Variants in CCNT2 observed in about 807,000 individuals in gnomAD.
CCNT2 encodes the protein cyclin T2.
CCNT2 carries 18 observed loss-of-function variants against 70.0 expected under a neutral mutation model. The observed-to-expected ratio is 0.26, with a 90% CI of 0.18 to 0.38. CCNT2 has a LOEUF of 0.38. CCNT2 is among the 10% of genes least tolerant of loss of function. The pLI is 1.00. For synonymous variants in CCNT2, 334 were observed against 313.3 expected (o/e 1.07, Z -0.70); for missense variants, 734 against 890.2 (o/e 0.82, Z 2.23).
At chr2:134,919,093 C>T in intron 1 of CCNT2, 81 bp downstream of exon 1, 1 of 1,469,344 alleles carries the variant, frequency 6.8e-7, no homozygotes, top group Non-Finnish European at 9.1e-7. Flanking sequence ...AACATGGCGC[C>T]GCCGGCCTCG....
intron 2 of CCNT2, chr2:134,920,135 C>A: frequency 8.2e-6 from 3 of 364,532 alleles, no homozygotes; most frequent in East Asian, 6.1e-5. Flanking sequence ...ACATTTATTT[C>A]TTTACAGAGT....
intron 4 of CCNT2, among the ~76,000 whole-genome samples, chr2:134,939,841 T>A (rs1681438860): frequency 1.3e-5 from 2 of 152,220 alleles, no homozygotes. Flanking sequence ...TATCTTTGTA[T>A]GCAAGTTCAT....
At chr2:134,928,390 T>C (rs910124229) in intron 2 of CCNT2, among the ~76,000 whole-genome samples, 4 of 151,218 alleles carry the variant, frequency 2.6e-5, no homozygotes, top group Admixed American at 1.3e-4. Flanking sequence ...GCAATTCTCT[T>C]GCCTCAGCCT....
Position 134,958,685 on chromosome 2 carries a change from G to A in CCNT2, c.*4037G>A, listed in dbSNP as rs116241689. ...AAAGGTTGCTTTTGTTAGTTTCCCTGGAGCATCTATTTTTGTAATACATTT... is the reference window on the plus strand; with the variant it reads ...AAAGGTTGCTTTTGTTAGTTTCCCTAGAGCATCTATTTTTGTAATACATTT... On this transcript the variant is annotated 3_prime_UTR_variant, in exon 9 of 9. Transcript: ENST00000264157. The A allele has an allele frequency of 2.4e-3, 366 of 152,254 alleles. 1 individual carries two copies. Among genetic ancestry groups the A allele is most frequent in the African/African-American group, 8.3e-3 (345 of 41,540 alleles). The allele number at this position is 152,254 out of a possible 1,614,324, so 9.4% of individuals were successfully genotyped here. A position where few individuals can be genotyped will look rare whatever the true frequency, so the allele number is the denominator to read the frequency against.
At position 134,948,152 on chromosome 2, in the gene CCNT2, CA is replaced by C. The variant is rs202232394; in HGVS notation, c.703+262del. 1.2e-3 allele frequency among the ~76,000 whole-genome samples: 179 copies of C among 150,786 alleles called. 5 individuals carry two copies. The Middle Eastern group carries it at 0.041, about 35-fold the overall frequency. On this transcript the variant is annotated intron_variant, in intron 7 of 8. Coordinates refer to ENST00000264157, the MANE Select transcript of CCNT2 (RefSeq NM_058241.3). ...CTGGGCAACATAGACCCTGTCTCTA[CA>C]AAAAAAAAGTTAAAAATTGACTGGG...
intron 2 of CCNT2, among the ~76,000 whole-genome samples, chr2:134,928,933 C>G (rs536107928): frequency 6.6e-6 from 1 of 152,224 alleles, no homozygotes; most frequent in South Asian, 2.1e-4. Context: ...GTAGATATTT[C>G]AGTTACTTTG....
chr2:134,952,590 T>C (rs1377258892), intron 7 of CCNT2, 51 bp from the exon 8 acceptor site: 8 of 1,160,368 alleles, frequency 6.9e-6, no homozygotes, highest in Middle Eastern at 2.2e-4. Flanking sequence ...TTAAGAGAAA[T>C]TTAAATCCTA....
In CCNT2 at chr2:134,954,392, G is replaced by A; in HGVS notation, c.1937G>A (p.Ser646Asn). ...KSSKSSGSSS[S>N]SSSSVKQYIS... The stretch of plus-strand genomic sequence containing the variant: ...TCCAAAAGTTCAGGTAGTTCATCTA[G>A]TTCTTCCTCCTCTGTTAAGCAGTAT... The change falls in exon 9 of 9, where the codon AGT (serine) becomes AAT (asparagine). Residue 646 changes from serine to asparagine, a missense_variant. Transcript: ENST00000264157. 3 of 1,614,126 alleles carry A rather than the reference G, an allele frequency of 1.9e-6. No homozygotes were observed. Among genetic ancestry groups the A allele is most frequent in the Non-Finnish European group, 2.5e-6 (3 of 1,179,988 alleles).
At chr2:134,919,957 GT>G in intron 2 of CCNT2, 66 bp downstream of exon 2, 1 of 1,065,564 alleles carries the variant, frequency 9.4e-7, no homozygotes, top group South Asian at 1.3e-5. Context: ...CAGAAAAAAA[GT>G]TGGTCATTGC....
chr2:134,953,880 C>T lies in CCNT2; in HGVS notation c.1425C>T (p.Ser475=), dbSNP rs1682724809. ...HKQGQSQAAS[S]SSVTSPIKMK... ...AAGGGCAGTCACAGGCAGCCAGCAG[C>T]AGTTCTGTTACTTCTCCCATTAAAA... The change falls in exon 9 of 9, where the codon AGC becomes AGT. Residue 475 remains serine, a synonymous_variant. Coordinates refer to ENST00000264157, the MANE Select transcript of CCNT2 (RefSeq NM_058241.3). 6.2e-7 allele frequency: 1 copy of T among 1,614,018 alleles called. No homozygotes were observed. The highest frequency in any genetic ancestry group is 1.3e-5 in the African/African-American group (1 of 75,002).
At chr2:134,933,196 G>T (rs1680909866) in intron 2 of CCNT2, among the ~76,000 whole-genome samples, 1 of 152,166 alleles carries the variant, frequency 6.6e-6, no homozygotes, top group Non-Finnish European at 1.5e-5. Context: ...TCCTGGATTG[G>T]GAGATTTAAT....
chr2:134,929,613 C>CAGAGAGAGAGAGAGAGAGAGGGAGAGAG (rs1680577525), intron 2 of CCNT2, among the ~76,000 whole-genome samples: 1 of 117,620 alleles, frequency 8.5e-6, no homozygotes, highest in African/African-American at 3.6e-5. Flanking sequence ...GTCTCAAAAA[C>CAGAGAGAGAGAGAGAGAGAGGGAGAGAG]AGAGAGAGAG....
rs531669363 is a variant in CCNT2 at position 134,945,753 on chromosome 2, TTTC to T, written c.494-333_494-331del. The T allele has an allele frequency of 3.8e-4, 495 of 1,300,670 alleles. 1 individual carries two copies. The highest frequency in any genetic ancestry group is 1.1e-3 in the Admixed American group (44 of 41,344). 80.6% of individuals were successfully genotyped at this position (1,300,670 alleles called of 1,614,324 possible). A position where few individuals can be genotyped will look rare whatever the true frequency, so the allele number is the denominator to read the frequency against. ...TATTTTGTATTAGACTTCAAAATCT[TTTC>T]TTCTTCTTCTTCTTTTTTTTTTAAA... On this transcript the variant is annotated intron_variant, in intron 5 of 8. Transcript: ENST00000264157.
intron 7 of CCNT2, among the ~76,000 whole-genome samples, chr2:134,950,484 C>T (rs1682402797): frequency 6.6e-6 from 1 of 152,052 alleles, no homozygotes; most frequent in African/African-American, 2.4e-5. Flanking sequence ...ACTAAAAATA[C>T]ACACAAACCG....
intron 6 of CCNT2, among the ~76,000 whole-genome samples, chr2:134,947,167 T>C (rs925385894): frequency 2.6e-5 from 4 of 152,228 alleles, no homozygotes; most frequent in Non-Finnish European, 4.4e-5. Flanking sequence ...GCCTTGAAGC[T>C]GTTTGGCAAA....
At chr2:134,947,581 T>G in intron 6 of CCNT2, 155 bp from the exon 7 acceptor site, 1 of 435,214 alleles carries the variant, frequency 2.3e-6, no homozygotes, top group Non-Finnish European at 3.8e-6. Flanking sequence ...ACTAGAATTT[T>G]ATAACTTAGC....
intron 2 of CCNT2, among the ~76,000 whole-genome samples, chr2:134,931,377 A>T (rs1383273375): frequency 6.6e-6 from 1 of 150,392 alleles, no homozygotes; most frequent in Admixed American, 6.7e-5. Context: ...GTGAAAATCA[A>T]TGGATCATAA....
intron 2 of CCNT2, among the ~76,000 whole-genome samples, chr2:134,925,008 T>C (rs1011013527): frequency 6.6e-6 from 1 of 152,190 alleles, no homozygotes; most frequent in Non-Finnish European, 1.5e-5. Flanking sequence ...CCTTTTTTCT[T>C]GCATTCCTGG....
intron 2 of CCNT2, among the ~76,000 whole-genome samples, chr2:134,931,420 A>G (rs1013857416): frequency 1.3e-5 from 2 of 151,876 alleles, no homozygotes; most frequent in African/African-American, 4.8e-5. Context: ...TCTGGATTCT[A>G]TTCCATCCCC....
Sources: gnomAD v4.1 joint callset for allele counts (sites outside exome capture counted in the v4.1 genomes callset) on GRCh38, gnomAD v4.1.1 for gene constraint, MANE v1.5 for transcripts, NCBI Gene and HGNC (gene_info 2026-07-23, HGNC 2026-07-21) for gene names.